NOC4L: variants seen among roughly 807,000 people sequenced by gnomAD.
NOC4L encodes nucleolar complex associated 4 homolog, also known as nucleolar complex protein 4 homolog.
NOC4L carries 40 observed loss-of-function variants against 62.8 expected under a neutral mutation model. The ratio of observed to expected loss-of-function variants is 0.64; its 90% CI spans 0.49 to 0.83. The LOEUF (loss-of-function observed/expected upper bound fraction) is 0.83. Ranked by LOEUF, NOC4L falls within the 40% of genes least tolerant of loss-of-function variation. NOC4L has a pLI of 0.00. For missense variants in NOC4L, 927 were observed against 701.9 expected (o/e 1.32, Z -3.62); for synonymous variants, 433 against 299.8 (o/e 1.44, Z -4.59).
chr12:132,151,335 T>G lies in NOC4L; in HGVS notation c.1040T>G (p.Phe347Cys). The G allele has an allele frequency of 1.9e-6, 3 of 1,611,410 alleles. No individual in the cohort carries two copies. Among genetic ancestry groups the G allele is most frequent in the Non-Finnish European group, 2.5e-6 (3 of 1,179,954 alleles). The change falls in exon 11 of 15, where the codon TTC becomes TGC. Residue 347 changes from phenylalanine to cysteine, a missense_variant. Phe to Cys is a radical substitution (Grantham distance 205). Transcript: ENST00000330579. The part of the protein sequence containing the change: ...SVFHVKYRAR[F>C]FHLADLFLSS... ...TTTCACGTCAAGTACCGCGCCCGCTTCTTCCACCTGGCTGACCTCTTCCTG... is the reference window on the plus strand; with the variant it reads ...TTTCACGTCAAGTACCGCGCCCGCTGCTTCCACCTGGCTGACCTCTTCCTG...
chr12:132,151,806 C>G lies in NOC4L; in HGVS notation c.1303C>G (p.Leu435Val), dbSNP rs1365492762. The G allele has an allele frequency of 1.9e-6, 3 of 1,611,796 alleles. No homozygotes were observed. The highest frequency in any genetic ancestry group is 2.5e-6 in the Non-Finnish European group (3 of 1,179,644). The change falls in exon 13 of 15, where the codon CTG becomes GTG. Residue 435 changes from leucine to valine, a missense_variant. Physicochemically the swap from Leu to Val is conservative, Grantham distance 32. Coordinates refer to ENST00000330579, the MANE Select transcript of NOC4L (RefSeq NM_024078.3). ...PAQSRALESS[L>V]WELQALQRHY... ...CCAGAGCCGGGCCTTGGAGAGCTCCCTGTGGGAGCTTCAGGTGAGGGCGCT... is the reference window on the plus strand; with the variant it reads ...CCAGAGCCGGGCCTTGGAGAGCTCCGTGTGGGAGCTTCAGGTGAGGGCGCT...
In NOC4L at chr12:132,147,341, A is replaced by G; in HGVS notation, c.406A>G (p.Lys136Glu). ...GCTGGAAGGAGCGCACCCCCTGGAGAAGTCCAAGTGGGAAGGCAACTACCT... is the reference window on the plus strand; with the variant it reads ...GCTGGAAGGAGCGCACCCCCTGGAGGAGTCCAAGTGGGAAGGCAACTACCT... ...VQLEGAHPLE[K>E]SKWEGNYLFP... Residue 136 changes from lysine (K) to glutamate (E), a missense_variant, in exon 4 of 15, where the codon AAG becomes GAG. By Grantham distance (56) the Lys-to-Glu change is moderately conservative. Transcript: ENST00000330579. 6.3e-7 allele frequency: 1 copy of G among 1,597,028 alleles called. No homozygotes were observed. The highest frequency in any genetic ancestry group is 8.5e-7 in the Non-Finnish European group (1 of 1,171,684).
chr12:132,151,263 A>C lies in NOC4L; in HGVS notation c.968A>C (p.Tyr323Ser). 1 of 1,611,158 alleles carries C rather than the reference A, an allele frequency of 6.2e-7. No homozygotes were observed. Among genetic ancestry groups the C allele is most frequent in the Non-Finnish European group, 8.5e-7 (1 of 1,179,462 alleles). ...TCCTTCCCCCCGGCCCGCAGGGAGT[A>C]CCCTGACTTCTACCGGAAGCTCTAC... ...FILIHKHNLE[Y>S]PDFYRKLYGL... The change falls in exon 11 of 15, where the codon TAC becomes TCC. Residue 323 changes from tyrosine to serine, a missense_variant. Transcript: ENST00000330579.
At position 132,148,843 on chromosome 12, in the gene NOC4L, G is replaced by A. The variant is rs749362211; in HGVS notation, c.849G>A (p.Gln283=). ...LLIVHDAILP[Q]LAQPTLMIDF... Reference sequence around the variant, plus strand: ...TTGTGCATGACGCCATCCTGCCGCAGCTGGCGCAGCCCACGCTCATGATCG... The same window carrying A: ...TTGTGCATGACGCCATCCTGCCGCAACTGGCGCAGCCCACGCTCATGATCG... The change falls in exon 9 of 15, where the codon CAG becomes CAA. Residue 283 remains glutamine, a synonymous_variant. Coordinates refer to ENST00000330579, the MANE Select transcript of NOC4L (RefSeq NM_024078.3). 2 of 1,602,810 alleles carry A rather than the reference G, an allele frequency of 1.2e-6. No homozygotes were observed. The highest frequency in any genetic ancestry group is 1.7e-6 in the Non-Finnish European group (2 of 1,178,734).
Position 132,151,381 on chromosome 12 carries a change from G to A in NOC4L, c.1073+13G>A, listed in dbSNP as rs542109428. 1.9e-6 allele frequency: 3 copies of A among 1,606,886 alleles called. No individual in the cohort carries two copies. Among genetic ancestry groups the A allele is most frequent in the African/African-American group, 2.7e-5 (2 of 75,044 alleles). ...TCCTGTCCTCCTCGTGAGTACCAGG[G>A]CACCTGGCTCTGCCCTGCTCTGTGC... On this transcript the variant is annotated intron_variant, in intron 11 of 14. Transcript: ENST00000330579.
intron 2 of NOC4L, 113 bp from the exon 3 acceptor site, chr12:132,145,446 C>T (rs1644087535): frequency 1.5e-6 from 1 of 672,548 alleles, no homozygotes; most frequent in Non-Finnish European, 2.6e-6. Flanking sequence ...TTTCCACCTG[C>T]GGAGGCTGAG....
rs1331263817 is a variant in NOC4L at position 132,144,983 on chromosome 12, T to C, written c.238+9T>C. ...GGAGATGGTCATGACAGGTGAGCCCTGGAGGGCCCCGGGGCTGCTCTTCTC... is the reference window on the plus strand; with the variant it reads ...GGAGATGGTCATGACAGGTGAGCCCCGGAGGGCCCCGGGGCTGCTCTTCTC... On this transcript the variant is annotated intron_variant, in intron 2 of 14. Transcript: ENST00000330579. The C allele has an allele frequency of 1.9e-6, 3 of 1,592,178 alleles. No homozygotes were observed. The highest frequency in any genetic ancestry group is 1.7e-4 in the Middle Eastern group (1 of 6,046).
chr12:132,148,550 T>G, intron 7 of NOC4L, 59 bp from the exon 8 acceptor site: 1 of 1,539,830 alleles, frequency 6.5e-7, no homozygotes, highest in Non-Finnish European at 8.8e-7. Context: ...CCCTGGCAGC[T>G]GCTCGGGCTC....
At chr12:132,148,376 C>G (rs1454746314) in intron 7 of NOC4L, among the ~76,000 whole-genome samples, 1 of 152,184 alleles carries the variant, frequency 6.6e-6, no homozygotes, top group Admixed American at 6.5e-5. Context: ...TTGGGCGCAG[C>G]CCCCCTCTTG....
At position 132,144,948 on chromosome 12, in the gene NOC4L, T is replaced by G. The variant is rs1281737074; in HGVS notation, c.212T>G (p.Leu71Arg). ...LERGELFVGQLPSEEMVMTGS... is the reference protein window; with the variant it reads ...LERGELFVGQRPSEEMVMTGS... ...CGGGGAGAGCTGTTTGTGGGCCAGC[T>G]GCCCTCTGAGGAGATGGTCATGACA... Residue 71 changes from leucine to arginine, a missense_variant, in exon 2 of 15, where the codon CTG becomes CGG. Coordinates refer to ENST00000330579, the MANE Select transcript of NOC4L (RefSeq NM_024078.3). The G allele has an allele frequency of 1.2e-6, 2 of 1,600,692 alleles. No homozygotes were observed. The highest frequency in any genetic ancestry group is 8.5e-7 in the Non-Finnish European group (1 of 1,174,526).
chr12:132,148,750 C>A, intron 8 of NOC4L, 34 bp from the exon 9 acceptor site: 2 of 487,116 alleles, frequency 4.1e-6, no homozygotes, highest in South Asian at 1.9e-5. Flanking sequence ...CCCGCCCACC[C>A]GCCCCTCACC....
Position 132,145,562 on chromosome 12 carries a change from C to T in NOC4L, c.242C>T (p.Ser81Phe). Residue 81 changes from serine (S) to phenylalanine (F), a missense_variant, in exon 3 of 15, where the codon TCC (serine) becomes TTC (phenylalanine). Physicochemically the swap from Ser to Phe is radical, Grantham distance 155. Coordinates refer to ENST00000330579, the MANE Select transcript of NOC4L (RefSeq NM_024078.3). ...GACCACCCTAACCTGTCTGCAGGGT[C>T]CCAGGGAGCCACACGGAAGTACAAG... ...LPSEEMVMTGSQGATRKYKVW... is the reference protein window; with the variant it reads ...LPSEEMVMTGFQGATRKYKVW... The T allele has an allele frequency of 1.2e-6, 2 of 1,610,988 alleles. No homozygotes were observed. The highest frequency in any genetic ancestry group is 1.7e-6 in the Non-Finnish European group (2 of 1,178,224).
chr12:132,144,547 C>T lies in NOC4L; in HGVS notation c.59C>T (p.Ala20Val). The T allele has an allele frequency of 6.6e-7, 1 of 1,517,190 alleles. No individual in the cohort carries two copies. Among genetic ancestry groups the T allele is most frequent in the Non-Finnish European group, 8.8e-7 (1 of 1,140,972 alleles). The allele number at this position is 1,517,190 out of a possible 1,614,324, so 94.0% of individuals were successfully genotyped here. ...CGGGCTCTGGGCCGCCGGCTGGAGGCGGTGCTGGCGAGCCGCAGTGAGGCC... is the reference window on the plus strand; with the variant it reads ...CGGGCTCTGGGCCGCCGGCTGGAGGTGGTGCTGGCGAGCCGCAGTGAGGCC... ...VRRALGRRLE[A>V]VLASRSEANA... Residue 20 changes from alanine to valine, a missense_variant, in exon 1 of 15, where the codon GCG becomes GTG. By Grantham distance (64) the Ala-to-Val change is moderately conservative. Coordinates refer to ENST00000330579, the MANE Select transcript of NOC4L (RefSeq NM_024078.3).
intron 3 of NOC4L, among the ~76,000 whole-genome samples, chr12:132,146,974 T>C (rs1426168573): frequency 6.6e-6 from 1 of 152,146 alleles, no homozygotes. Context: ...ATGGTGGCAT[T>C]CCCGTGACAC....
At chr12:132,147,442 G>C in intron 4 of NOC4L, 54 bp downstream of exon 4, 1 of 1,513,360 alleles carries the variant, frequency 6.6e-7, no homozygotes, top group South Asian at 1.2e-5. Context: ...CCAGATCCCA[G>C]GATGGCCCCG....
At position 132,151,575 on chromosome 12, in the gene NOC4L, C is replaced by T. The variant is rs201574244; in HGVS notation, c.1165C>T (p.Pro389Ser). 27 of 1,611,090 alleles carry T rather than the reference C, an allele frequency of 1.7e-5. No individual in the cohort carries two copies. The East Asian group carries it at 3.1e-4, about 19-fold the overall frequency. The change falls in exon 12 of 15, where the codon CCT (proline) becomes TCT (serine). Residue 389 changes from proline (P) to serine (S), a missense_variant. Pro to Ser is a moderately conservative substitution (Grantham distance 74). Transcript: ENST00000330579. ...APPEALLMVL[P>S]FICNLLRRHP... ...CCCTGAGGCCCTGCTCATGGTCCTG[C>T]CTTTCATCTGTAACCTGCTGCGCCG...
intron 8 of NOC4L, 60 bp from the exon 9 acceptor site, chr12:132,148,724 C>T (rs1337249932): frequency 1.4e-6 from 2 of 1,393,742 alleles, no homozygotes; most frequent in South Asian, 2.8e-5. Flanking sequence ...GGAGGCCTCA[C>T]CCCGACCCGC....
rs138055058 is a variant in NOC4L, at chr12:132,146,466, G to C, written c.345+801G>C. ...CTCTTGTGTGATGTTTCTTTTGCTT[G>C]AATATGCCTTATCAGTGGAATTACA... On this transcript the variant is annotated intron_variant, in intron 3 of 14. Coordinates refer to ENST00000330579, the MANE Select transcript of NOC4L (RefSeq NM_024078.3). The C allele has an allele frequency of 1.3e-4, 57 of 424,050 alleles. No individual in the cohort carries two copies. The East Asian group carries it at 3.8e-3, about 29-fold the overall frequency. 26.3% of individuals were successfully genotyped at this position (424,050 alleles called of 1,614,324 possible). A position where few individuals can be genotyped will look rare whatever the true frequency, so the allele number is the denominator to read the frequency against.
rs1200043458 is a variant in NOC4L at position 132,148,801 on chromosome 12, C to G, written c.807C>G (p.Tyr269Ter). Residue 269 changes from tyrosine to a stop codon, truncating the protein, a stop_gained, in exon 9 of 15, where the codon TAC (tyrosine) becomes TAG (stop). Transcript: ENST00000330579. LOFTEE classifies it high-confidence loss of function. ...CCGCCCAGCTGCCCCTCAGCCTCTA[C>G]AAGAAGGTGCTGCTGATTGTGCATG... is the stretch of plus-strand genomic sequence containing the variant. ...FLKHKLPLSLYKKVLLIVHDA... is the reference protein window; with the variant it reads ...FLKHKLPLSL 6.3e-7 allele frequency: 1 copy of G among 1,599,122 alleles called. No homozygotes were observed. The highest frequency in any genetic ancestry group is 1.7e-5 in the Admixed American group (1 of 59,038).
Sources: allele counts gnomAD v4.1 joint callset (sites outside exome capture counted in the v4.1 genomes callset), GRCh38; gene constraint gnomAD v4.1.1; transcripts MANE v1.5; gene names NCBI Gene and HGNC (gene_info 2026-07-23, HGNC 2026-07-21).